The following RP1 variants were observed in gnomAD, a reference collection of about 807,000 sequenced individuals.
RP1 encodes RP1 axonemal microtubule associated.
A neutral mutation model predicts 14.8 loss-of-function variants in RP1; 16 were observed. That is an observed-to-expected ratio of 1.08 (90% CI 0.73 to 1.65). The LOEUF is 1.65. Among genes scored for constraint, RP1 ranks in the 40% most tolerant of loss-of-function variants. The probability of loss-of-function intolerance (pLI) is 0.00; values close to 1 mark genes in which losing one functional copy is unlikely to be tolerated. For missense variants in RP1, 2,631 were observed against 2,535.0 expected (o/e 1.04, Z -0.81); for synonymous variants, 876 against 883.6 (o/e 0.99, Z 0.15).
intron 26 of RP1, among the ~76,000 whole-genome samples, chr8:54,856,210 G>C (rs1256652162): frequency 1.3e-5 from 2 of 152,126 alleles, no homozygotes; most frequent in Non-Finnish European, 2.9e-5. Context: ...ATGCACTGTA[G>C]GATTCTGTTG....
Position 54,626,997 on chromosome 8 carries a change from C to G in RP1, c.3115C>G (p.His1039Asp). ...TATTAATGATCATAATACTAAAAGT[C>G]ATATAGCTGCTGAAAAATCAGGACC... Reference protein sequence around the residue: ...SAINDHNTKSHIAAEKSGPEK... With the variant: ...SAINDHNTKSDIAAEKSGPEK... Residue 1039 changes from histidine to aspartate, a missense_variant, in exon 4 of 4, where the codon CAT (histidine) becomes GAT (aspartate). His to Asp is a moderately conservative substitution (Grantham distance 81, BLOSUM62 -1). Transcript: ENST00000220676. 1 of 1,613,932 alleles carries G rather than the reference C, an allele frequency of 6.2e-7. No homozygotes were observed. Among genetic ancestry groups the G allele is most frequent in the East Asian group, 2.2e-5 (1 of 44,860 alleles).
chr8:54,807,057 T>G (rs954660404), intron 24 of RP1, among the ~76,000 whole-genome samples: 4 of 152,246 alleles, frequency 2.6e-5, no homozygotes, highest in Middle Eastern at 3.2e-3. Flanking sequence ...TAATATCTAT[T>G]GACCACCTGC....
chr8:54,567,632 A>G (rs1319045776), intron 1 of RP1, among the ~76,000 whole-genome samples: 2 of 91,434 alleles, frequency 2.2e-5, no homozygotes, highest in African/African-American at 6.2e-5. Flanking sequence ...AGGTTCAGGG[A>G]AAAAAAAAAT....
intron 1 of RP1, among the ~76,000 whole-genome samples, chr8:54,597,808 G>T (rs1454342470): frequency 6.6e-6 from 1 of 152,132 alleles, no homozygotes; most frequent in Non-Finnish European, 1.5e-5. Flanking sequence ...CTAGAAGATA[G>T]ATTAGTGGTT....
chr8:54,634,453 A>G (rs979232040), downstream of RP1, among the ~76,000 whole-genome samples: 3 of 152,214 alleles, frequency 2.0e-5, no homozygotes, highest in Non-Finnish European at 2.9e-5. Context: ...TACAATTTGC[A>G]GGATTATCAG....
At chr8:54,827,255 T>C (rs1355206448) in intron 24 of RP1, among the ~76,000 whole-genome samples, 1 of 152,210 alleles carries the variant, frequency 6.6e-6, no homozygotes, top group African/African-American at 2.4e-5. Flanking sequence ...GCTTACTGTT[T>C]GATTTTTCTG....
At chr8:54,853,575 C>G (rs111483538) in intron 26 of RP1, among the ~76,000 whole-genome samples, 6,068 of 152,100 alleles carry the variant, frequency 0.04, 160 homozygotes, top group African/African-American at 0.068. Context: ...GGCCCATGGC[C>G]CATTGCACCA....
intron 12 of RP1, among the ~76,000 whole-genome samples, chr8:54,682,087 T>A (rs1807448384): frequency 2.0e-5 from 3 of 152,064 alleles, no homozygotes; most frequent in Non-Finnish European, 1.5e-5. Context: ...CCAAATGGTG[T>A]TTCTGCTTCT....
intron 24 of RP1, among the ~76,000 whole-genome samples, chr8:54,787,603 C>A (rs536837141): frequency 2.6e-5 from 4 of 152,078 alleles, no homozygotes; most frequent in African/African-American, 9.7e-5. Context: ...CAAATTGAAA[C>A]GCTAAATAGT....
At position 54,630,180 on chromosome 8, in the gene RP1, C is replaced by G. The variant is rs763216053; in HGVS notation, c.6298C>G (p.Leu2100Val). ...NINCHYFFEM[L>V]GQACLLDICQ... is the part of the protein sequence containing the mutation. ...CAACTGTCATTACTTCTTTGAAATG[C>G]TTGGTCAAGCTTGCCTCTTAGATAT... The change falls in exon 4 of 4, where the codon CTT (leucine) becomes GTT (valine). Residue 2100 changes from leucine to valine, a missense_variant. Transcript: ENST00000220676. 6.2e-7 allele frequency: 1 copy of G among 1,613,556 alleles called. No homozygotes were observed. Among genetic ancestry groups the G allele is most frequent in the East Asian group, 2.2e-5 (1 of 44,834 alleles).
chr8:54,583,474 GTC>G (rs1394169184), intron 1 of RP1, among the ~76,000 whole-genome samples: 2 of 152,038 alleles, frequency 1.3e-5, no homozygotes, highest in Non-Finnish European at 2.9e-5. Flanking sequence ...TTTTTGTTGT[GTC>G]TCTGCCAGGC....
intron 1 of RP1, among the ~76,000 whole-genome samples, chr8:54,583,967 A>AT (rs1396275818): frequency 1.2e-4 from 19 of 152,008 alleles, no homozygotes; most frequent in African/African-American, 3.6e-4. Flanking sequence ...GGATTCATTG[A>AT]TTTTTTGAAG....
intron 15 of RP1, among the ~76,000 whole-genome samples, chr8:54,716,406 A>C (rs1235789921): frequency 7.2e-5 from 11 of 152,172 alleles, no homozygotes; most frequent in African/African-American, 2.6e-4. Context: ...TCTTGGTACA[A>C]AGACTTAAAA....
At chr8:54,615,044 C>T (rs532820338), upstream of RP1, among the ~76,000 whole-genome samples, 48 of 152,288 alleles carry the variant, frequency 3.2e-4, no homozygotes, top group African/African-American at 1.1e-3. Context: ...CCTATTGCTA[C>T]CCTGTAAACA....
chr8:54,614,064 AAT>A (rs1805657369), upstream of RP1, among the ~76,000 whole-genome samples: 1 of 152,368 alleles, frequency 6.6e-6, no homozygotes, highest in African/African-American at 2.4e-5. Flanking sequence ...AACCCTCACC[AAT>A]GAGCCTATAA....
At chr8:54,641,855 G>A (rs1177441244) in intron 3 of RP1, among the ~76,000 whole-genome samples, 1 of 152,168 alleles carries the variant, frequency 6.6e-6, no homozygotes, top group African/African-American at 2.4e-5. Flanking sequence ...TCTGAGTGAA[G>A]ACGCTGAGAA....
At chr8:54,722,103 C>T (rs1018220554) in intron 16 of RP1, among the ~76,000 whole-genome samples, 1 of 151,446 alleles carries the variant, frequency 6.6e-6, no homozygotes, top group Non-Finnish European at 1.5e-5. Flanking sequence ...ATTAGCTGGT[C>T]GTGGTGGTGC....
At chr8:54,636,818 GAAT>G (rs1806354918) in intron 3 of RP1, among the ~76,000 whole-genome samples, 2 of 152,166 alleles carry the variant, frequency 1.3e-5, no homozygotes, top group Admixed American at 1.3e-4. Context: ...GAATCCAAAA[GAAT>G]AATTTCATGT....
intron 24 of RP1, chr8:54,837,337 A>G (rs763997559): frequency 9.5e-6 from 4 of 420,058 alleles, no homozygotes; most frequent in South Asian, 1.4e-4. Context: ...TCTAAGGGAA[A>G]TTAGTAAGGA....
Sources: gnomAD v4.1 joint callset for allele counts (sites outside exome capture counted in the v4.1 genomes callset) on GRCh38, gnomAD v4.1.1 for gene constraint, MANE v1.5 for transcripts, NCBI Gene and HGNC (gene_info 2026-07-23, HGNC 2026-07-21) for gene names.